SUPT20H: variants seen among roughly 807,000 people sequenced by gnomAD.
SUPT20H encodes the protein transcription factor SPT20 homolog.
SUPT20H carries 82 observed loss-of-function variants against 122.8 expected under a neutral mutation model. The ratio of observed to expected loss-of-function variants is 0.67; its 90% confidence interval spans 0.56 to 0.80. The LOEUF is 0.80. Among genes scored for constraint, SUPT20H ranks in the 30% least tolerant of loss-of-function variants. SUPT20H has a pLI of 0.00. For synonymous variants in SUPT20H, 291 were observed against 313.0 expected (o/e 0.93, Z 0.74); for missense variants, 831 against 921.6 (o/e 0.90, Z 1.27).
At chr13:37,035,437 G>C (rs141803492) in intron 9 of SUPT20H, among the ~76,000 whole-genome samples, 38 of 152,164 alleles carry the variant, frequency 2.5e-4, no homozygotes, top group African/African-American at 9.1e-4. Context: ...ATTAGAAGTA[G>C]AGAGCCTGAA....
chr13:37,023,453 T>G (rs971166262), intron 19 of SUPT20H: 2 of 152,822 alleles, frequency 1.3e-5, no homozygotes, highest in African/African-American at 4.8e-5. Context: ...TAAAAAAAAG[T>G]ATTCAGTAGT....
chr13:37,045,594 A>T (rs1462466503), intron 5 of SUPT20H, among the ~76,000 whole-genome samples: 1 of 152,222 alleles, frequency 6.6e-6, no homozygotes, highest in Admixed American at 6.5e-5. Context: ...AAATTAATTC[A>T]TATTTTAAAA....
At chr13:37,046,357 T>C (rs1172771885) in intron 5 of SUPT20H, among the ~76,000 whole-genome samples, 1 of 152,170 alleles carries the variant, frequency 6.6e-6, no homozygotes, top group African/African-American at 2.4e-5. Flanking sequence ...ACAGTATGTG[T>C]ACCTCTTCAA....
chr13:37,045,213 T>A, intron 6 of SUPT20H, 34 bp downstream of exon 6: 1 of 1,607,630 alleles, frequency 6.2e-7, no homozygotes, highest in Non-Finnish European at 8.5e-7. Context: ...CTAGCAAAAG[T>A]ATTTTGTGGC....
intron 2 of SUPT20H, among the ~76,000 whole-genome samples, chr13:37,050,642 A>G (rs2067484102): frequency 6.6e-6 from 1 of 152,200 alleles, no homozygotes; most frequent in Admixed American, 6.5e-5. Context: ...TAAAACTTCA[A>G]AGGGTCTAGT....
chr13:37,031,913 T>G lies in SUPT20H; in HGVS notation c.708-18A>C. The G allele has an allele frequency of 1.9e-6, 3 of 1,564,408 alleles. No individual in the cohort carries two copies. The highest frequency in any genetic ancestry group is 2.6e-6 in the Non-Finnish European group (3 of 1,163,820). ...TGAAACACCTGAAATATTAAGAAAT[T>G]TGAACTAAACGGCACTAATAAAAGA... On this transcript the variant is annotated intron_variant, in intron 10 of 25. Transcript: ENST00000350612.
chr13:37,053,400 A>G (rs1419702717), intron 1 of SUPT20H, among the ~76,000 whole-genome samples: 3 of 152,140 alleles, frequency 2.0e-5, no homozygotes, highest in Non-Finnish European at 2.9e-5. Context: ...GGAAACCATC[A>G]TCCTCAGCAA....
chr13:37,043,859 C>T (rs2065940798), intron 7 of SUPT20H, among the ~76,000 whole-genome samples: 1 of 151,378 alleles, frequency 6.6e-6, no homozygotes, highest in Non-Finnish European at 1.5e-5. Flanking sequence ...CTTAGCCTCC[C>T]AAAGTGCTGG....
At chr13:37,040,142 G>C (rs1220835219) in intron 9 of SUPT20H, 1 of 322,144 alleles carries the variant, frequency 3.1e-6, no homozygotes, top group East Asian at 5.0e-5. Flanking sequence ...TCTTCTGTTT[G>C]AGAGGAGATA....
chr13:37,055,423 A>C (rs1289224704), intron 1 of SUPT20H, among the ~76,000 whole-genome samples: 1 of 152,224 alleles, frequency 6.6e-6, no homozygotes, highest in Non-Finnish European at 1.5e-5. Flanking sequence ...ACAGAGATAT[A>C]GACCAATGGA....
At chr13:37,059,224 G>C (rs1016697959) in intron 1 of SUPT20H, 2 of 152,210 alleles carry the variant, frequency 1.3e-5, no homozygotes, top group African/African-American at 4.8e-5. Context: ...ACAGAGGAGC[G>C]ACAAGCCTTT....
Position 37,024,409 on chromosome 13 carries a change from A to G in SUPT20H, c.1363T>C (p.Leu455=), listed in dbSNP as rs1337990007. The change falls in exon 18 of 26, where the codon TTG becomes CTG. Residue 455 remains leucine (L), a synonymous_variant. Transcript: ENST00000350612. Reference sequence around the variant, plus strand: ...GGTCGATGTTTTACACCCTTCCCCAATACCGAAGACTGAACTGACACGGTT... The same window carrying G: ...GGTCGATGTTTTACACCCTTCCCCAGTACCGAAGACTGAACTGACACGGTT... ...TETVSVQSSV[L]GKGVKHRPPP... 1.3e-6 allele frequency: 2 copies of G among 1,584,380 alleles called. No individual in the cohort carries two copies. The highest frequency in any genetic ancestry group is 1.7e-6 in the Non-Finnish European group (2 of 1,168,618).
At chr13:37,044,520 G>T (rs1458859154) in intron 6 of SUPT20H, among the ~76,000 whole-genome samples, 1 of 152,054 alleles carries the variant, frequency 6.6e-6, no homozygotes, top group East Asian at 1.9e-4. Context: ...GGAAATCAGA[G>T]GGACAATTTG....
chr13:37,032,680 G>C (rs2063589537), intron 10 of SUPT20H, among the ~76,000 whole-genome samples: 2 of 152,098 alleles, frequency 1.3e-5, no homozygotes, highest in African/African-American at 4.8e-5. Context: ...AGACTTTTGG[G>C]GGTTTTATCT....
intron 1 of SUPT20H, among the ~76,000 whole-genome samples, chr13:37,055,972 C>G (rs1249022842): frequency 1.3e-5 from 2 of 152,204 alleles, no homozygotes; most frequent in African/African-American, 2.4e-5. Flanking sequence ...TGAACAGACA[C>G]TTCTGAAAAG....
At chr13:37,034,901 A>G (rs2064052925) in intron 9 of SUPT20H, among the ~76,000 whole-genome samples, 1 of 152,356 alleles carries the variant, frequency 6.6e-6, no homozygotes, top group East Asian at 1.9e-4. Context: ...TCAGTGCTCT[A>G]TAAATGAAAC....
Position 37,012,304 on chromosome 13 carries a change from A to C in SUPT20H, c.1993-7T>G. 1 of 1,603,084 alleles carries C rather than the reference A, an allele frequency of 6.2e-7. No homozygotes were observed. ...TTGAACCTTGCTCAGAACCCTGAATAAAAAAATAATAAATGACTTGTACAA... is the reference window on the plus strand; with the variant it reads ...TTGAACCTTGCTCAGAACCCTGAATCAAAAAATAATAAATGACTTGTACAA... On this transcript the variant is annotated splice_polypyrimidine_tract_variant and splice_region_variant and intron_variant, in intron 23 of 25. Transcript: ENST00000350612.
At chr13:37,056,181 C>T (rs2068972676) in intron 1 of SUPT20H, among the ~76,000 whole-genome samples, 1 of 152,140 alleles carries the variant, frequency 6.6e-6, no homozygotes, top group Non-Finnish European at 1.5e-5. Flanking sequence ...TGTAAACTAG[C>T]TCAACCATTG....
intron 6 of SUPT20H, among the ~76,000 whole-genome samples, chr13:37,044,631 T>C (rs2066085381): frequency 6.6e-6 from 1 of 152,192 alleles, no homozygotes; most frequent in African/African-American, 2.4e-5. Flanking sequence ...GCTATGTGAG[T>C]TCCTTGTAGA....
Sources: allele counts gnomAD v4.1 joint callset (sites outside exome capture counted in the v4.1 genomes callset), GRCh38; gene constraint gnomAD v4.1.1; transcripts MANE v1.5; gene names NCBI Gene and HGNC (gene_info 2026-07-23, HGNC 2026-07-21).